The following IL17RB variants were observed in gnomAD, a reference collection of about 807,000 sequenced individuals.
IL17RB encodes the protein interleukin 17 receptor B, also known as interleukin-17 receptor B.
Under a neutral mutation model 43.9 loss-of-function variants are expected in IL17RB, and 36 were observed. The observed-to-expected ratio is 0.82, with a 90% CI of 0.63 to 1.08. The LOEUF (loss-of-function observed/expected upper bound fraction) is 1.08. IL17RB is among the 50% of genes least tolerant of loss of function. IL17RB has a pLI of 0.00. For missense variants in IL17RB, 613 were observed against 613.6 expected (o/e 1.00, Z 0.01); for synonymous variants, 225 against 225.4 (o/e 1.00, Z 0.02).
Position 53,865,370 on chromosome 3 carries a change from C to T in IL17RB, c.*62C>T, listed in dbSNP as rs563882862. 2.5e-5 allele frequency: 33 copies of T among 1,316,218 alleles called. No homozygotes were observed. Among genetic ancestry groups the T allele is most frequent in the African/African-American group, 4.4e-5 (3 of 67,946 alleles). 81.5% of individuals were successfully genotyped at this position (1,316,218 alleles called of 1,614,324 possible). A position where few individuals can be genotyped will look rare whatever the true frequency, so the allele number is the denominator to read the frequency against. ...TATCCCACCAATTACAGGGAAAAAA[C>T]GTGTGATGATCCTGAAGCTTACTAT... On this transcript the variant is annotated 3_prime_UTR_variant, in exon 11 of 11. Coordinates refer to ENST00000288167, the MANE Select transcript of IL17RB (RefSeq NM_018725.4).
At chr3:53,863,159 G>A (rs1340703216) in intron 10 of IL17RB, among the ~76,000 whole-genome samples, 1 of 152,116 alleles carries the variant, frequency 6.6e-6, no homozygotes, top group East Asian at 1.9e-4. Context: ...CAAAATATGT[G>A]TTAATTGGCT....
chr3:53,848,768 T>C lies in IL17RB; in HGVS notation c.85+80T>C, dbSNP rs7650686. 1,982 of 1,427,168 alleles carry C rather than the reference T, an allele frequency of 1.4e-3. 33 individuals are homozygous for C. The African/African-American group carries it at 0.025, about 18-fold the overall frequency. The allele number at this position is 1,427,168 out of a possible 1,614,324, so 88.4% of individuals were successfully genotyped here. On this transcript the variant is annotated intron_variant, in intron 2 of 10. Transcript: ENST00000288167. ...CTTTTAGGAAGCCTAATATAGGCAA[T>C]AGGTCATCGAAGACCAGACACAGGG...
At chr3:53,859,153 A>C in intron 9 of IL17RB, 4 of 205,456 alleles carry the variant, frequency 1.9e-5, no homozygotes, top group East Asian at 1.2e-4. Context: ...ATATATGAGA[A>C]TGAATATTTC....
chr3:53,863,010 AGAT>A (rs1259642256), intron 10 of IL17RB, among the ~76,000 whole-genome samples: 1 of 152,190 alleles, frequency 6.6e-6, no homozygotes, highest in African/African-American at 2.4e-5. Flanking sequence ...CTACTCAACA[AGAT>A]GATGACAAGA....
intron 1 of IL17RB, among the ~76,000 whole-genome samples, chr3:53,846,928 G>A (rs1363506138): frequency 2.0e-5 from 3 of 152,204 alleles, no homozygotes; most frequent in Non-Finnish European, 4.4e-5. Context: ...ACGAAGGGCA[G>A]TACCGAACCC....
chr3:53,861,047 G>T (rs556654455), intron 10 of IL17RB: 3 of 152,188 alleles, frequency 2.0e-5, no homozygotes, highest in African/African-American at 2.4e-5. Flanking sequence ...TGTTGCTACT[G>T]TGGTGAGCTC....
chr3:53,856,942 C>G lies in IL17RB; in HGVS notation c.628C>G (p.Leu210Val), dbSNP rs1699356527. Residue 210 changes from leucine to valine, a missense_variant, in exon 7 of 11, where the codon CTT becomes GTT. By Grantham distance (32) the Leu-to-Val change is conservative. Coordinates refer to ENST00000288167, the MANE Select transcript of IL17RB (RefSeq NM_018725.4). ...TCCCCTGGGAAACAGATACATGGCT[C>G]TTATCCAACACAGCACTATCATCGG... ...TTPLGNRYMA[L>V]IQHSTIIGFS... 1.2e-6 allele frequency: 2 copies of G among 1,614,164 alleles called. No homozygotes were observed. The highest frequency in any genetic ancestry group is 8.5e-7 in the Non-Finnish European group (1 of 1,180,018).
intron 10 of IL17RB, among the ~76,000 whole-genome samples, chr3:53,863,515 G>A (rs991998245): frequency 6.6e-5 from 10 of 152,200 alleles, no homozygotes; most frequent in Non-Finnish European, 1.0e-4. Context: ...GAAAGCCACA[G>A]GGGCACCTGG....
intron 10 of IL17RB, among the ~76,000 whole-genome samples, chr3:53,864,056 C>A (rs1699677305): frequency 6.6e-6 from 1 of 152,080 alleles, no homozygotes; most frequent in Non-Finnish European, 1.5e-5. Flanking sequence ...CTCCTGGACT[C>A]AAGTGATCTA....
At chr3:53,850,649 C>T (rs1388300774) in intron 3 of IL17RB, among the ~76,000 whole-genome samples, 1 of 150,288 alleles carries the variant, frequency 6.7e-6, no homozygotes, top group Non-Finnish European at 1.5e-5. Context: ...CCTAAAAATA[C>T]AAAAAATTAG....
At chr3:53,860,318 T>C (rs2107024666) in intron 10 of IL17RB, 90 bp downstream of exon 10, 5 of 1,030,864 alleles carry the variant, frequency 4.9e-6, no homozygotes, top group Non-Finnish European at 7.4e-6. Context: ...GGCAATCACA[T>C]GTTGGCGTTT....
rs115931550 is a variant in IL17RB, at chr3:53,852,315, T to C, written c.354+189T>C. 6.2e-3 allele frequency among the ~76,000 whole-genome samples: 943 copies of C among 152,078 alleles called. 7 individuals are homozygous for C. The highest frequency in any genetic ancestry group is 0.022 in the African/African-American group (900 of 41,430). On this transcript the variant is annotated intron_variant, in intron 4 of 10. Coordinates refer to ENST00000288167, the MANE Select transcript of IL17RB (RefSeq NM_018725.4). ...AGCCACCAGACCTGGCTAATTTTTG[T>C]AGTTTTTGTAGAGGGGGGTTTCACC...
chr3:53,864,671 T>C, intron 10 of IL17RB, 75 bp from the exon 11 acceptor site: 2 of 1,120,204 alleles, frequency 1.8e-6, no homozygotes, highest in South Asian at 2.9e-5. Context: ...AGGGATCATT[T>C]GTCAGGGATG....
At chr3:53,846,749 G>C in intron 1 of IL17RB, 101 bp downstream of exon 1, 1 of 1,287,306 alleles carries the variant, frequency 7.8e-7, no homozygotes, top group Non-Finnish European at 1.1e-6. Flanking sequence ...AGGCGTGCGC[G>C]GACTGCCGGC....
intron 5 of IL17RB, among the ~76,000 whole-genome samples, chr3:53,854,277 A>G (rs1372557191): frequency 6.6e-6 from 1 of 152,220 alleles, no homozygotes; most frequent in Non-Finnish European, 1.5e-5. Context: ...AGCTTCTCCT[A>G]TTAACGTCTT....
At chr3:53,849,553 T>A in intron 2 of IL17RB, 102 bp from the exon 3 acceptor site, 2 of 1,027,618 alleles carry the variant, frequency 1.9e-6, no homozygotes, top group South Asian at 2.6e-5. Flanking sequence ...AAGTGAGGAA[T>A]TGTGAATGGG....
chr3:53,854,284 T>A (rs1485219657), intron 5 of IL17RB, among the ~76,000 whole-genome samples: 1 of 152,210 alleles, frequency 6.6e-6, no homozygotes, highest in Non-Finnish European at 1.5e-5. Context: ...CCTATTAACG[T>A]CTTGTATTAC....
chr3:53,852,228 A>G (rs1699177465), intron 4 of IL17RB, 102 bp downstream of exon 4: 2 of 1,060,200 alleles, frequency 1.9e-6, no homozygotes, highest in Non-Finnish European at 2.8e-6. Flanking sequence ...TGCGACCTCA[A>G]TCTTCTGGGC....
chr3:53,855,194 G>T, intron 5 of IL17RB, 100 bp from the exon 6 acceptor site: 62 of 431,142 alleles, frequency 1.4e-4, no homozygotes, highest in East Asian at 2.1e-4. Flanking sequence ...TTGGCAATTT[G>T]TTACAGGTGT....
Sources: allele counts gnomAD v4.1 joint callset (sites outside exome capture counted in the v4.1 genomes callset), GRCh38; gene constraint gnomAD v4.1.1; transcripts MANE v1.5; gene names NCBI Gene and HGNC (gene_info 2026-07-23, HGNC 2026-07-21).